C7: variants seen among roughly 807,000 people sequenced by gnomAD.
The protein encoded by C7 is complement C7.
In C7, 83 loss-of-function variants were observed where a neutral mutation model predicts 104.8. The ratio of observed to expected loss-of-function variants is 0.79; its 90% CI spans 0.66 to 0.95. The LOEUF is 0.95. C7 is among the 40% of genes least tolerant of loss of function. C7 has a pLI of 0.00. For missense variants in C7, 1,070 were observed against 1,011.2 expected (o/e 1.06, Z -0.79); for synonymous variants, 415 against 360.6 (o/e 1.15, Z -1.71).
At chr5:40,950,124 TG>T in intron 9 of C7, 110 bp downstream of exon 9, 1 of 642,734 alleles carries the variant, frequency 1.6e-6, no homozygotes, top group Non-Finnish European at 2.7e-6. Flanking sequence ...CATGGGGCTT[TG>T]TTGTACAGAT....
chr5:40,972,492 T>C lies in C7; in HGVS notation c.1972T>C (p.Ser658Pro). 2 of 1,613,892 alleles carry C rather than the reference T, an allele frequency of 1.2e-6. No individual in the cohort carries two copies. Among genetic ancestry groups the C allele is most frequent in the Non-Finnish European group, 1.7e-6 (2 of 1,179,788 alleles). ...FYTVGEKVTVSCSGGMSLEGP... is the reference protein window; with the variant it reads ...FYTVGEKVTVPCSGGMSLEGP... The stretch of plus-strand genomic sequence containing the variant: ...CACAGTTGGTGAGAAGGTGACTGTT[T>C]CCTGTTCAGGTGGCATGTCCTTAGA... The change falls in exon 15 of 18, where the codon TCC becomes CCC. Residue 658 changes from serine (S) to proline (P), a missense_variant. Coordinates refer to ENST00000313164, the MANE Select transcript of C7 (RefSeq NM_000587.4).
At chr5:40,955,234 G>T (rs1413737682) in intron 9 of C7, among the ~76,000 whole-genome samples, 153 bp from the exon 10 acceptor site, 2 of 152,172 alleles carry the variant, frequency 1.3e-5, no homozygotes, top group African/African-American at 4.8e-5. Flanking sequence ...AATATCCTTT[G>T]TGCTCTGCCT....
At chr5:40,912,641 G>T (rs1230112190) in intron 1 of C7, among the ~76,000 whole-genome samples, 1 of 152,180 alleles carries the variant, frequency 6.6e-6, no homozygotes, top group African/African-American at 2.4e-5. Flanking sequence ...TTACAGGCAT[G>T]AGCCACCAAA....
intron 15 of C7, among the ~76,000 whole-genome samples, chr5:40,973,247 G>GATT (rs1156934794): frequency 2.0e-5 from 3 of 152,100 alleles, no homozygotes; most frequent in Admixed American, 1.3e-4. Flanking sequence ...AGATGAGATA[G>GATT]ATTTGTTTGA....
In C7 at chr5:40,964,790, A is replaced by G. The variant is rs551275897; in HGVS notation, c.1799A>G (p.Asn600Ser). 8.7e-6 allele frequency: 14 copies of G among 1,613,050 alleles called. No homozygotes were observed. Among genetic ancestry groups the G allele is most frequent in the South Asian group, 3.3e-5 (3 of 91,052 alleles). The change falls in exon 14 of 18, where the codon AAT (asparagine) becomes AGT (serine). Residue 600 changes from asparagine (N) to serine (S), a missense_variant. Transcript: ENST00000313164. Reference protein sequence around the residue: ...PVGKNVVYTCNEGYSLIGNPV... With the variant: ...PVGKNVVYTCSEGYSLIGNPV... ...GGGAAAAATGTAGTGTACACTTGCA[A>G]TGAAGGATACTCTCTTATTGGAAAC...
At chr5:40,943,196 A>G (rs528723057) in intron 6 of C7, among the ~76,000 whole-genome samples, 1 of 152,364 alleles carries the variant, frequency 6.6e-6, no homozygotes, top group Admixed American at 6.5e-5. Context: ...ACAGGAAGGA[A>G]GTGAAAAAAC....
intron 4 of C7, among the ~76,000 whole-genome samples, 182 bp downstream of exon 4, chr5:40,934,648 T>C (rs1739776199): frequency 6.6e-6 from 1 of 152,202 alleles, no homozygotes; most frequent in African/African-American, 2.4e-5. Context: ...TTTTTTCAAA[T>C]GCAAGGGGAT....
intron 3 of C7, among the ~76,000 whole-genome samples, chr5:40,931,860 G>C (rs1739690995): frequency 6.6e-6 from 1 of 152,210 alleles, no homozygotes; most frequent in Non-Finnish European, 1.5e-5. Context: ...CCGGGTTCAA[G>C]TGATTCTCCT....
chr5:40,922,572 G>T (rs373215640), intron 1 of C7, among the ~76,000 whole-genome samples: 3 of 149,278 alleles, frequency 2.0e-5, no homozygotes, highest in African/African-American at 7.4e-5. Flanking sequence ...GTGGTGGCAC[G>T]TGCCTGTAAT....
Position 40,909,632 on chromosome 5 carries a change from C to A in C7, c.6+16C>A. 6.6e-7 allele frequency: 1 copy of A among 1,517,632 alleles called. No homozygotes were observed. The highest frequency in any genetic ancestry group is 9.0e-7 in the Non-Finnish European group (1 of 1,114,246). 94.0% of individuals were successfully genotyped at this position (1,517,632 alleles called of 1,614,324 possible). On this transcript the variant is annotated intron_variant, in intron 1 of 17. Transcript: ENST00000313164. ...AAACATGAAGGTAAGACAATAAATT[C>A]ATTACTTTTGTAAATGAAGCTATCT...
At chr5:40,918,126 C>A (rs1739357669) in intron 1 of C7, among the ~76,000 whole-genome samples, 1 of 152,006 alleles carries the variant, frequency 6.6e-6, no homozygotes, top group Admixed American at 6.6e-5. Context: ...ACCACAAAGA[C>A]AACAAGACAG....
chr5:40,919,095 A>G (rs1215685190), intron 1 of C7, among the ~76,000 whole-genome samples: 2 of 151,654 alleles, frequency 1.3e-5, no homozygotes, highest in African/African-American at 4.9e-5. Flanking sequence ...AGCTTCAGCA[A>G]ATTTAAGAAG....
intron 1 of C7, 53 bp downstream of exon 1, chr5:40,909,669 C>CG: frequency 7.5e-7 from 1 of 1,335,012 alleles, no homozygotes; most frequent in East Asian, 2.4e-5. Flanking sequence ...TTCAAATGAA[C>CG]GGGGGTAATA....
At chr5:40,932,079 C>G (rs563056140) in intron 3 of C7, among the ~76,000 whole-genome samples, 1 of 152,190 alleles carries the variant, frequency 6.6e-6, no homozygotes, top group Admixed American at 6.5e-5. Flanking sequence ...TTAGAAGAAA[C>G]AAATTATATA....
At chr5:40,962,477 T>A (rs1740442489) in intron 13 of C7, among the ~76,000 whole-genome samples, 1 of 152,206 alleles carries the variant, frequency 6.6e-6, no homozygotes, top group Admixed American at 6.5e-5. Flanking sequence ...AAACTGCGAA[T>A]CTACAAGCTT....
chr5:40,920,156 A>G (rs141560191), intron 1 of C7, among the ~76,000 whole-genome samples: 3,541 of 152,260 alleles, frequency 0.023, 45 homozygotes, highest in Middle Eastern at 0.048. Flanking sequence ...ATCATCAACA[A>G]TTATACATCA....
At chr5:40,966,762 A>G (rs1293222065) in intron 14 of C7, among the ~76,000 whole-genome samples, 1 of 152,094 alleles carries the variant, frequency 6.6e-6, no homozygotes, top group Non-Finnish European at 1.5e-5. Context: ...GCCATTAATT[A>G]ATTCCTTTTT....
Position 40,947,818 on chromosome 5 carries a change from G to A in C7, c.955G>A (p.Val319Met), listed in dbSNP as rs1373752107. The change falls in exon 8 of 18, where the codon GTG (valine) becomes ATG (methionine). Residue 319 changes from valine to methionine, a missense_variant. Transcript: ENST00000313164. The part of the protein sequence containing the change: ...LGGEYRVLFY[V>M]DSEKLKQNDF... Reference sequence around the variant, plus strand: ...AGGAGAATACAGAGTTCTATTTTATGTGGACTCAGAAAAATTAAAACAAAA... The same window carrying A: ...AGGAGAATACAGAGTTCTATTTTATATGGACTCAGAAAAATTAAAACAAAA... The A allele has an allele frequency of 6.2e-7, 1 of 1,612,196 alleles. No homozygotes were observed. Among genetic ancestry groups the A allele is most frequent in the Admixed American group, 1.7e-5 (1 of 59,616 alleles).
At position 40,981,666 on chromosome 5, in the gene C7, C is replaced by T; in HGVS notation, c.*93C>T. ...CACAACTGGGCACTGGACAGCTTTT[C>T]CTTCTTCTCCAGTGTCTACCTTCCT... On this transcript the variant is annotated 3_prime_UTR_variant, in exon 18 of 18. Transcript: ENST00000313164. 1 of 1,008,408 alleles carries T rather than the reference C, an allele frequency of 9.9e-7. No individual in the cohort carries two copies. The allele number at this position is 1,008,408 out of a possible 1,614,324, so 62.5% of individuals were successfully genotyped here.
Sources: allele counts gnomAD v4.1 joint callset (sites outside exome capture counted in the v4.1 genomes callset), GRCh38; gene constraint gnomAD v4.1.1; transcripts MANE v1.5; gene names NCBI Gene and HGNC (gene_info 2026-07-23, HGNC 2026-07-21).